The following CRY1 variants were observed in gnomAD, a reference collection of about 807,000 sequenced individuals.
CRY1 encodes the protein cryptochrome-1.
Under a neutral mutation model 76.0 loss-of-function variants are expected in CRY1, and 45 were observed. The observed-to-expected ratio is 0.59, with a 90% CI of 0.47 to 0.76. CRY1 has a LOEUF of 0.76. Ranked by LOEUF, CRY1 falls within the 30% of genes least tolerant of loss-of-function variation. CRY1 has a pLI of 0.00. For missense variants in CRY1, 587 were observed against 716.4 expected, an observed-to-expected ratio of 0.82 and a Z score of 2.06; for synonymous variants, 248 against 244.0, an observed-to-expected ratio of 1.02 and a Z score of -0.15.
intron 1 of CRY1, among the ~76,000 whole-genome samples, chr12:107,083,529 G>A (rs1953354526): frequency 6.6e-6 from 1 of 152,154 alleles, no homozygotes; most frequent in African/African-American, 2.4e-5. Flanking sequence ...ATGTAAGGCT[G>A]GTTCACCATA....
intron 1 of CRY1, among the ~76,000 whole-genome samples, chr12:107,054,646 G>C (rs1252139406): frequency 1.4e-5 from 2 of 140,476 alleles, no homozygotes; most frequent in Non-Finnish European, 3.1e-5. Flanking sequence ...ACTCCAGAAA[G>C]TTTGAAAAAA....
chr12:107,028,801 T>G (rs912169585), intron 1 of CRY1, among the ~76,000 whole-genome samples: 1 of 152,196 alleles, frequency 6.6e-6, no homozygotes. Context: ...CCATGAGTGA[T>G]ATTGCCTTTG....
rs1368715819 is a variant in CRY1 at position 107,075,179 on chromosome 12, A to C, written c.158+17625T>G. Among the ~76,000 whole-genome samples, 3 of 152,218 alleles carry C rather than the reference A, an allele frequency of 2.0e-5. No homozygotes were observed. The East Asian group carries it at 5.8e-4, about 29-fold the overall frequency. On this transcript the variant is annotated intron_variant, in intron 1 of 12. Coordinates refer to ENST00000008527, the MANE Select transcript of CRY1 (RefSeq NM_004075.5). ...CAGTTTGACAAAAATAAAATAGGCT[A>C]CTGCTTTCTAATAAGTCCAATTCCT...
chr12:107,081,743 A>T (rs1365745695), intron 1 of CRY1, among the ~76,000 whole-genome samples: 1 of 152,032 alleles, frequency 6.6e-6, no homozygotes, highest in Non-Finnish European at 1.5e-5. Context: ...TTCCCCCAAA[A>T]TTCATGTTAA....
chr12:107,056,721 C>T (rs1408998156), intron 1 of CRY1, among the ~76,000 whole-genome samples: 1 of 152,000 alleles, frequency 6.6e-6, no homozygotes, highest in Non-Finnish European at 1.5e-5. Context: ...TCAGGAAGTT[C>T]CCACAAATAA....
chr12:107,003,720 C>T (rs374898077), intron 3 of CRY1, among the ~76,000 whole-genome samples: 28 of 151,986 alleles, frequency 1.8e-4, no homozygotes, highest in African/African-American at 6.3e-4. Context: ...AAATGAGAAT[C>T]TTAGGACAAA....
intron 10 of CRY1, among the ~76,000 whole-genome samples, chr12:106,997,041 G>A (rs1296822523): frequency 6.6e-6 from 1 of 152,024 alleles, no homozygotes; most frequent in Non-Finnish European, 1.5e-5. Context: ...CCTTAAAATT[G>A]CTCTCCTCAG....
At chr12:106,999,472 CAG>C in intron 7 of CRY1, 77 bp downstream of exon 7, 2 of 1,350,886 alleles carry the variant, frequency 1.5e-6, no homozygotes, top group African/African-American at 1.5e-5. Flanking sequence ...AATCTATAAA[CAG>C]ACAACTTCTA....
At chr12:107,035,282 T>G (rs563017313) in intron 1 of CRY1, among the ~76,000 whole-genome samples, 23 of 152,340 alleles carry the variant, frequency 1.5e-4, no homozygotes, top group African/African-American at 5.5e-4. Context: ...CTGACATTAC[T>G]GCAAAAATTT....
chr12:107,070,740 G>A (rs893911489), intron 1 of CRY1, among the ~76,000 whole-genome samples: 7 of 149,140 alleles, frequency 4.7e-5, no homozygotes, highest in Non-Finnish European at 7.4e-5. Context: ...TCACTCTGTC[G>A]CCCAGGCTGG....
At chr12:107,025,982 A>G (rs1053063719) in intron 1 of CRY1, among the ~76,000 whole-genome samples, 1 of 149,858 alleles carries the variant, frequency 6.7e-6, no homozygotes, top group African/African-American at 2.5e-5. Context: ...TTCATATCAC[A>G]CTAACCTTAA....
chr12:107,070,671 TTTATTTATTTATTTA>T (rs1953177617), intron 1 of CRY1, among the ~76,000 whole-genome samples: 5 of 63,084 alleles, frequency 7.9e-5, no homozygotes, highest in African/African-American at 1.4e-4. Context: ...CTTATTTTTA[TTTATTTATTTATTTA>T]TTTATTTATT....
At chr12:107,003,775 T>G (rs1450979579) in intron 3 of CRY1, among the ~76,000 whole-genome samples, 3 of 151,860 alleles carry the variant, frequency 2.0e-5, no homozygotes, top group African/African-American at 7.3e-5. Flanking sequence ...TTACATATAG[T>G]AAATATTCAC....
chr12:107,056,355 C>T (rs1952981907), intron 1 of CRY1, among the ~76,000 whole-genome samples: 1 of 152,084 alleles, frequency 6.6e-6, no homozygotes, highest in African/African-American at 2.4e-5. Flanking sequence ...CACTGGCCAG[C>T]CCTTAGGTGG....
At chr12:107,079,073 C>T (rs979188659) in intron 1 of CRY1, among the ~76,000 whole-genome samples, 1 of 152,164 alleles carries the variant, frequency 6.6e-6, no homozygotes, top group African/African-American at 2.4e-5. Context: ...CTGAACTATA[C>T]CCACTTATCT....
rs146061496 is a variant in CRY1 at position 107,060,711 on chromosome 12, C to A, written c.158+32093G>T. 5.0e-3 allele frequency among the ~76,000 whole-genome samples: 756 copies of A among 152,186 alleles called. 9 individuals carry two copies. The highest frequency in any genetic ancestry group is 0.017 in the African/African-American group (717 of 41,526). ...TAACTCTTTTTTAAAAAAATTTGGG[C>A]CGGGTGTGGTGGCTCACGCCTGTAA... is the stretch of plus-strand genomic sequence containing the variant. On this transcript the variant is annotated intron_variant, in intron 1 of 12. Coordinates refer to ENST00000008527, the MANE Select transcript of CRY1 (RefSeq NM_004075.5).
intron 2 of CRY1, among the ~76,000 whole-genome samples, chr12:107,011,220 T>C (rs1303793540): frequency 6.6e-6 from 1 of 152,058 alleles, no homozygotes; most frequent in Non-Finnish European, 1.5e-5. Flanking sequence ...CATGGTGGCA[T>C]GTGCCTGTAA....
chr12:107,084,884 CAACCTAT>C (rs1279534406), intron 1 of CRY1, among the ~76,000 whole-genome samples: 1 of 151,178 alleles, frequency 6.6e-6, no homozygotes, highest in Non-Finnish European at 1.5e-5. Context: ...AGTGAACAGA[CAACCTAT>C]AGAATGGGAG....
chr12:107,084,552 A>G (rs1232359898), intron 1 of CRY1, among the ~76,000 whole-genome samples: 1 of 151,866 alleles, frequency 6.6e-6, no homozygotes, highest in African/African-American at 2.4e-5. Context: ...TCTGATCTTG[A>G]CAAAAACAAG....
Sources: allele counts gnomAD v4.1 joint callset (sites outside exome capture counted in the v4.1 genomes callset), GRCh38; gene constraint gnomAD v4.1.1; transcripts MANE v1.5; gene names NCBI Gene and HGNC (gene_info 2026-07-23, HGNC 2026-07-21).